The following LRRC4C variants were observed in gnomAD, a reference collection of about 807,000 sequenced individuals.
LRRC4C encodes the protein leucine-rich repeat-containing protein 4C.
A neutral mutation model predicts 33.6 loss-of-function variants in LRRC4C; 5 were observed. The observed-to-expected ratio is 0.15, with a 90% CI of 0.08 to 0.31. LRRC4C has a LOEUF of 0.31. Among genes scored for constraint, LRRC4C ranks in the 10% least tolerant of loss-of-function variants. LRRC4C has a pLI of 1.00. For missense variants in LRRC4C, 560 were observed against 796.7 expected (o/e 0.70, Z 3.58); for synonymous variants, 329 against 302.0 (o/e 1.09, Z -0.93).
chr11:40,396,523 G>A (rs1282515544), intron 3 of LRRC4C, among the ~76,000 whole-genome samples: 2 of 152,070 alleles, frequency 1.3e-5, no homozygotes, highest in African/African-American at 4.8e-5. Flanking sequence ...GTGGATAAGA[G>A]AGAGTGATGG....
chr11:40,156,780 G>A lies in LRRC4C; in HGVS notation c.-95-15927C>T, dbSNP rs184249083. 4.3e-4 allele frequency among the ~76,000 whole-genome samples: 66 copies of A among 152,008 alleles called. No homozygotes were observed. In the Middle Eastern group the frequency reaches 0.017, roughly 39 times the overall value. On this transcript the variant is annotated intron_variant, in intron 5 of 6. Coordinates refer to ENST00000528697, the MANE Select transcript of LRRC4C (RefSeq NM_001258419.2). ...AAAATCATAGATGACACAAACAAAT[G>A]GAAACACATCCCATGCTCATGGAAG...
intron 6 of LRRC4C, among the ~76,000 whole-genome samples, chr11:40,137,943 G>A (rs1857096022): frequency 6.6e-6 from 1 of 152,136 alleles, no homozygotes; most frequent in African/African-American, 2.4e-5. Context: ...GAGACCAAGA[G>A]ACCAAAAAAC....
chr11:40,159,714 C>A (rs1266260986), intron 5 of LRRC4C, among the ~76,000 whole-genome samples: 1 of 152,170 alleles, frequency 6.6e-6, no homozygotes, highest in Non-Finnish European at 1.5e-5. Context: ...ACACATCTTT[C>A]TTCACAAATT....
At chr11:40,662,058 T>A (rs1943468020) in intron 2 of LRRC4C, among the ~76,000 whole-genome samples, 1 of 152,232 alleles carries the variant, frequency 6.6e-6, no homozygotes, top group South Asian at 2.1e-4. Flanking sequence ...TATAGATACC[T>A]AATGAATGGA....
At chr11:41,392,250 A>G (rs975803189) in intron 1 of LRRC4C, among the ~76,000 whole-genome samples, 34 of 151,948 alleles carry the variant, frequency 2.2e-4, no homozygotes, top group African/African-American at 8.0e-4. Context: ...CGTATGATGT[A>G]AGCCACGTGG....
intron 1 of LRRC4C, among the ~76,000 whole-genome samples, chr11:41,051,601 T>G (rs568880004): frequency 6.0e-4 from 90 of 148,930 alleles, no homozygotes; most frequent in African/African-American, 2.0e-3. Context: ...TTTAAAAATT[T>G]TTATTTATTT....
intron 1 of LRRC4C, among the ~76,000 whole-genome samples, chr11:41,017,294 C>T (rs939950877): frequency 2.0e-5 from 3 of 152,152 alleles, no homozygotes; most frequent in Non-Finnish European, 2.9e-5. Flanking sequence ...TCTTTTATTT[C>T]TGTTATATTC....
intron 2 of LRRC4C, among the ~76,000 whole-genome samples, chr11:40,913,232 A>G (rs1956781329): frequency 6.6e-6 from 1 of 152,146 alleles, no homozygotes; most frequent in Non-Finnish European, 1.5e-5. Context: ...ACCCCAAATC[A>G]ACAGAATATA....
At chr11:40,939,979 A>G (rs551829760) in intron 1 of LRRC4C, among the ~76,000 whole-genome samples, 1 of 152,314 alleles carries the variant, frequency 6.6e-6, no homozygotes, top group South Asian at 2.1e-4. Flanking sequence ...TCACATGAAC[A>G]AGTGCTGGAT....
intron 5 of LRRC4C, among the ~76,000 whole-genome samples, chr11:40,143,831 A>G (rs774462696): frequency 6.6e-6 from 1 of 152,112 alleles, no homozygotes; most frequent in Non-Finnish European, 1.5e-5. Flanking sequence ...AGTTCCCAGG[A>G]TATGGAGTTT....
At chr11:40,762,006 C>T (rs573851035) in intron 2 of LRRC4C, among the ~76,000 whole-genome samples, 1 of 152,268 alleles carries the variant, frequency 6.6e-6, no homozygotes, top group African/African-American at 2.4e-5. Flanking sequence ...CAAAAATACA[C>T]AGTGATTAAA....
At chr11:40,552,133 C>T (rs1045861129) in intron 3 of LRRC4C, among the ~76,000 whole-genome samples, 1 of 152,146 alleles carries the variant, frequency 6.6e-6, no homozygotes, top group African/African-American at 2.4e-5. Flanking sequence ...CTTCTCAGTC[C>T]CCACAAACAC....
At chr11:40,920,194 AT>A (rs1957117207) in intron 2 of LRRC4C, among the ~76,000 whole-genome samples, 1 of 152,154 alleles carries the variant, frequency 6.6e-6, no homozygotes, top group African/African-American at 2.4e-5. Flanking sequence ...TTTCCTAATT[AT>A]TATTCCTTTA....
intron 1 of LRRC4C, among the ~76,000 whole-genome samples, chr11:41,353,110 A>G (rs1171212575): frequency 6.6e-6 from 1 of 152,112 alleles, no homozygotes; most frequent in Non-Finnish European, 1.5e-5. Flanking sequence ...GAAAGAATAA[A>G]TAAGATGGAT....
intron 3 of LRRC4C, among the ~76,000 whole-genome samples, chr11:40,528,391 A>G (rs1290694106): frequency 6.6e-6 from 1 of 152,190 alleles, no homozygotes; most frequent in African/African-American, 2.4e-5. Context: ...AGTATTATAA[A>G]AAGATTCTCA....
chr11:40,452,407 G>T (rs940571806), intron 3 of LRRC4C, among the ~76,000 whole-genome samples: 1 of 152,210 alleles, frequency 6.6e-6, no homozygotes, highest in Non-Finnish European at 1.5e-5. Context: ...AGACATTTAT[G>T]CAGCCAAAAG....
chr11:40,737,590 G>C (rs1402744709), intron 2 of LRRC4C, among the ~76,000 whole-genome samples: 1 of 151,176 alleles, frequency 6.6e-6, no homozygotes, highest in Non-Finnish European at 1.5e-5. Flanking sequence ...AAAAAACAGA[G>C]AGCCAAATCA....
intron 1 of LRRC4C, among the ~76,000 whole-genome samples, chr11:41,022,795 T>C (rs1385373036): frequency 6.6e-6 from 1 of 151,996 alleles, no homozygotes; most frequent in Non-Finnish European, 1.5e-5. Context: ...TTTTCCCCCA[T>C]CATCAACTTG....
chr11:41,367,435 C>T lies in LRRC4C; in HGVS notation c.-496+91996G>A, dbSNP rs78889019. Reference sequence around the variant, plus strand: ...CTTTAATGGGGGTTCCCAAAAGATTCTGACACCGACCATCAAACAACACTT... The same window carrying T: ...CTTTAATGGGGGTTCCCAAAAGATTTTGACACCGACCATCAAACAACACTT... On this transcript the variant is annotated intron_variant, in intron 1 of 6. Coordinates refer to ENST00000528697, the MANE Select transcript of LRRC4C (RefSeq NM_001258419.2). Among the ~76,000 whole-genome samples, 640 of 152,232 alleles carry T rather than the reference C, an allele frequency of 4.2e-3. 3 individuals are homozygous for T. Among genetic ancestry groups the T allele is most frequent in the African/African-American group, 0.014 (564 of 41,526 alleles).
Sources: gnomAD v4.1 joint callset for allele counts (sites outside exome capture counted in the v4.1 genomes callset) on GRCh38, gnomAD v4.1.1 for gene constraint, MANE v1.5 for transcripts, NCBI Gene and HGNC (gene_info 2026-07-23, HGNC 2026-07-21) for gene names.